NRXN1: variants seen among roughly 807,000 people sequenced by gnomAD.
The protein encoded by NRXN1 is neurexin 1, also known as neurexin-1.
A neutral mutation model predicts 150.9 loss-of-function variants in NRXN1; 39 were observed. The ratio of observed to expected loss-of-function variants is 0.26; its 90% CI spans 0.20 to 0.34. The LOEUF is 0.34. NRXN1 is among the 10% of genes least tolerant of loss of function. NRXN1 has a pLI of 1.00. For synonymous variants in NRXN1, 924 were observed against 757.0 expected (o/e 1.22, Z -3.62); for missense variants, 1,815 against 1,949.9 (o/e 0.93, Z 1.30).
chr2:50,911,708 T>G (rs1425344976), intron 5 of NRXN1, among the ~76,000 whole-genome samples: 2 of 151,912 alleles, frequency 1.3e-5, no homozygotes, highest in African/African-American at 4.8e-5. Context: ...TGTACATTAT[T>G]GAGAATGATC....
intron 17 of NRXN1, among the ~76,000 whole-genome samples, chr2:50,421,656 C>T (rs753855555): frequency 6.6e-6 from 1 of 152,100 alleles, no homozygotes. Context: ...ATGTTGATTA[C>T]CTGCAGGATG....
Position 50,066,062 on chromosome 2 carries a change from G to T in NRXN1, c.3719-11018C>A, listed in dbSNP as rs375102803. Among the ~76,000 whole-genome samples, 9 of 152,202 alleles carry T rather than the reference G, an allele frequency of 5.9e-5. No homozygotes were observed. The East Asian group carries it at 1.2e-3, about 20-fold the overall frequency. ...CTCAAGGCGTATATTTACAACTGCG[G>T]TTCCTACACATATCTCATGTTCCAA... On this transcript the variant is annotated intron_variant, in intron 19 of 22. Transcript: ENST00000401669.
chr2:51,020,990 G>C (rs1243902525), intron 2 of NRXN1, among the ~76,000 whole-genome samples: 10 of 151,720 alleles, frequency 6.6e-5, no homozygotes, highest in African/African-American at 2.4e-4. Flanking sequence ...AAGCTAATTA[G>C]AACATTTTAA....
chr2:49,997,087 A>G (rs1352999422), intron 21 of NRXN1, among the ~76,000 whole-genome samples: 2 of 152,198 alleles, frequency 1.3e-5, no homozygotes, highest in Non-Finnish European at 2.9e-5. Context: ...AAAGAGAAAA[A>G]TATTTAAAAG....
chr2:50,838,467 AC>A (rs1672401104), intron 5 of NRXN1, among the ~76,000 whole-genome samples: 1 of 152,024 alleles, frequency 6.6e-6, no homozygotes, highest in African/African-American at 2.4e-5. Context: ...GAATTGTGGC[AC>A]CCCCTCAGAG....
At chr2:50,443,362 G>C (rs1026574024) in intron 17 of NRXN1, among the ~76,000 whole-genome samples, 1 of 152,166 alleles carries the variant, frequency 6.6e-6, no homozygotes, top group African/African-American at 2.4e-5. Flanking sequence ...TTTTAGCTTT[G>C]TCTTCAAGTA....
At chr2:49,965,292 A>G (rs1676762127) in intron 21 of NRXN1, among the ~76,000 whole-genome samples, 1 of 151,960 alleles carries the variant, frequency 6.6e-6, no homozygotes. Flanking sequence ...TTTGAGACAG[A>G]GTGTGCCTCC....
chr2:49,934,341 G>C (rs191799511), intron 22 of NRXN1, among the ~76,000 whole-genome samples: 1 of 151,964 alleles, frequency 6.6e-6, no homozygotes, highest in African/African-American at 2.4e-5. Context: ...CCACTGCAGA[G>C]GTGCATGCTG....
At chr2:50,410,834 G>C (rs1235855475) in intron 17 of NRXN1, among the ~76,000 whole-genome samples, 1 of 152,160 alleles carries the variant, frequency 6.6e-6, no homozygotes, top group Non-Finnish European at 1.5e-5. Flanking sequence ...CACAGTACTT[G>C]CATTATCATT....
chr2:50,576,158 G>A (rs1018080175), intron 8 of NRXN1, among the ~76,000 whole-genome samples: 1 of 152,010 alleles, frequency 6.6e-6, no homozygotes, highest in African/African-American at 2.4e-5. Flanking sequence ...TCTTTATTTT[G>A]TAAAGAGATA....
At chr2:51,030,383 G>A (rs996791157) in intron 1 of NRXN1, among the ~76,000 whole-genome samples, 12 of 151,742 alleles carry the variant, frequency 7.9e-5, no homozygotes, top group African/African-American at 2.2e-4. Context: ...TTATGGCACC[G>A]CATTGTGCTG....
At chr2:50,230,509 G>A (rs189429717) in intron 18 of NRXN1, among the ~76,000 whole-genome samples, 1 of 151,998 alleles carries the variant, frequency 6.6e-6, no homozygotes. Context: ...CCTGCCATAA[G>A]TATATAAAAT....
rs1691325637 is a variant in NRXN1 at position 50,686,986 on chromosome 2, G to T, written c.833-63371C>A. 2.0e-5 allele frequency among the ~76,000 whole-genome samples: 3 copies of T among 152,138 alleles called. No homozygotes were observed. In the South Asian group the frequency reaches 6.2e-4, roughly 32 times the overall value. On this transcript the variant is annotated intron_variant, in intron 5 of 22. Transcript: ENST00000401669. ...AAACTCTTTATACTTCCATAATTAG[G>T]TATTCCTTTGCTGACTTATCAATTG...
Position 50,440,989 on chromosome 2 carries a change from T to C in NRXN1, c.3364+24453A>G, listed in dbSNP as rs2085901768. Among the ~76,000 whole-genome samples, 3 of 152,194 alleles carry C rather than the reference T, an allele frequency of 2.0e-5. No homozygotes were observed. The South Asian group carries it at 6.2e-4, about 31-fold the overall frequency. On this transcript the variant is annotated intron_variant, in intron 17 of 22. Transcript: ENST00000401669. ...CATCATAGATACTCTCTGTAGCTTT[T>C]TCGATTAAAGAAAAGCCAGACACAT... is the stretch of plus-strand genomic sequence containing the variant.
intron 21 of NRXN1, among the ~76,000 whole-genome samples, chr2:50,004,546 A>G (rs1251557320): frequency 6.6e-6 from 1 of 152,078 alleles, no homozygotes; most frequent in Non-Finnish European, 1.5e-5. Context: ...TGGTTGCAAA[A>G]CTGGGGTTTT....
intron 2 of NRXN1, among the ~76,000 whole-genome samples, chr2:51,005,408 C>A (rs117718830): frequency 6.6e-6 from 1 of 151,952 alleles, no homozygotes; most frequent in African/African-American, 2.4e-5. Context: ...CAAACCTTAT[C>A]ATTTCTTTGT....
intron 17 of NRXN1, among the ~76,000 whole-genome samples, chr2:50,412,511 T>C (rs987651561): frequency 9.2e-5 from 14 of 151,932 alleles, no homozygotes; most frequent in African/African-American, 3.4e-4. Flanking sequence ...ATAAATGAAA[T>C]AATCTAGTTC....
At chr2:50,523,728 A>T (rs965366410) in intron 12 of NRXN1, among the ~76,000 whole-genome samples, 2 of 152,224 alleles carry the variant, frequency 1.3e-5, no homozygotes, top group African/African-American at 4.8e-5. Context: ...AAAATATACT[A>T]TGTGAAGTGT....
At chr2:50,864,625 T>C (rs1172818696) in intron 5 of NRXN1, among the ~76,000 whole-genome samples, 3 of 152,024 alleles carry the variant, frequency 2.0e-5, no homozygotes, top group African/African-American at 7.2e-5. Context: ...AATACTGCCA[T>C]ATCACAAAAA....
Sources: allele counts gnomAD v4.1 joint callset (sites outside exome capture counted in the v4.1 genomes callset), GRCh38; gene constraint gnomAD v4.1.1; transcripts MANE v1.5; gene names NCBI Gene and HGNC (gene_info 2026-07-23, HGNC 2026-07-21).